The following MME variants were observed in gnomAD, a reference collection of about 807,000 sequenced individuals.
MME encodes membrane metalloendopeptidase.
In MME, 98 loss-of-function variants were observed where a neutral mutation model predicts 113.2. The observed-to-expected ratio is 0.87, with a 90% CI of 0.74 to 1.02. The LOEUF (loss-of-function observed/expected upper bound fraction) is 1.02, where lower values mean the gene tolerates loss of function less well. Among genes scored for constraint, MME ranks in the 50% least tolerant of loss-of-function variants. The pLI is 0.00. For synonymous variants in MME, 292 were observed against 300.6 expected, an observed-to-expected ratio of 0.97 and a Z score of 0.30; for missense variants, 836 against 896.0, an observed-to-expected ratio of 0.93 and a Z score of 0.86.
chr3:155,115,256 T>A, intron 4 of MME, 101 bp downstream of exon 4: 1 of 1,424,382 alleles, frequency 7.0e-7, no homozygotes, highest in Non-Finnish European at 9.7e-7. Flanking sequence ...CACAGAAGAT[T>A]AAAAAGTTAA....
chr3:155,027,080 T>G (rs755681873), intron 1 of MME, among the ~76,000 whole-genome samples: 3 of 152,224 alleles, frequency 2.0e-5, no homozygotes, highest in Non-Finnish European at 2.9e-5. Context: ...AGCTTCTCTT[T>G]GCATTTCTAA....
chr3:155,101,294 C>T (rs1717194756), intron 3 of MME, among the ~76,000 whole-genome samples: 1 of 152,166 alleles, frequency 6.6e-6, no homozygotes, highest in Non-Finnish European at 1.5e-5. Flanking sequence ...CAAGAACAGC[C>T]TAATACATTT....
At chr3:155,101,976 T>C (rs1327132888) in intron 3 of MME, among the ~76,000 whole-genome samples, 2 of 152,184 alleles carry the variant, frequency 1.3e-5, no homozygotes, top group Non-Finnish European at 2.9e-5. Flanking sequence ...GGATCCTGCT[T>C]GTCCTTCACC....
intron 3 of MME, among the ~76,000 whole-genome samples, chr3:155,104,966 T>C (rs980973752): frequency 1.3e-5 from 2 of 152,216 alleles, no homozygotes; most frequent in Non-Finnish European, 2.9e-5. Flanking sequence ...TTTAGACTTA[T>C]GGCACTTTAA....
intron 3 of MME, among the ~76,000 whole-genome samples, chr3:155,091,690 TATG>T (rs746284654): frequency 1.3e-5 from 2 of 152,184 alleles, no homozygotes; most frequent in Admixed American, 6.5e-5. Flanking sequence ...AAGCCTTTGA[TATG>T]ATATGAAGCT....
Position 155,115,021 on chromosome 3 carries a change from C to T in MME, c.224C>T (p.Ala75Val). The T allele has an allele frequency of 1.2e-6, 2 of 1,614,058 alleles. No homozygotes were observed. Reference sequence around the variant, plus strand: ...GCTCGACTGATCCAAAACATGGATGCCACCACTGAGCCTTGTACAGACTTT... The same window carrying T: ...GCTCGACTGATCCAAAACATGGATGTCACCACTGAGCCTTGTACAGACTTT... ...SAARLIQNMD[A>V]TTEPCTDFFK... The change falls in exon 4 of 23, where the codon GCC (alanine) becomes GTC (valine). Residue 75 changes from alanine to valine, a missense_variant. Ala to Val is a moderately conservative substitution (Grantham distance 64). Transcript: ENST00000360490.
intron 2 of MME, 62 bp from the exon 3 acceptor site, chr3:155,084,992 CAAAAG>C: frequency 8.7e-7 from 1 of 1,155,104 alleles, no homozygotes; most frequent in Non-Finnish European, 1.2e-6. Context: ...TTTAAAAGAA[CAAAAG>C]AAAAATAGAA....
chr3:155,115,022 C>T lies in MME; in HGVS notation c.225C>T (p.Ala75=), dbSNP rs558690161. Residue 75 remains alanine (A), a synonymous_variant, in exon 4 of 23, where the codon GCC becomes GCT. Transcript: ENST00000360490. The part of the protein sequence containing the change: ...SAARLIQNMD[A]TTEPCTDFFK... ...CTCGACTGATCCAAAACATGGATGCCACCACTGAGCCTTGTACAGACTTTT... is the reference window on the plus strand; with the variant it reads ...CTCGACTGATCCAAAACATGGATGCTACCACTGAGCCTTGTACAGACTTTT... 1 of 1,614,016 alleles carries T rather than the reference C, an allele frequency of 6.2e-7. No individual in the cohort carries two copies. The highest frequency in any genetic ancestry group is 1.3e-5 in the African/African-American group (1 of 74,994).
intron 7 of MME, among the ~76,000 whole-genome samples, 185 bp from the exon 8 acceptor site, chr3:155,118,561 T>C (rs1213547222): frequency 6.6e-6 from 1 of 152,224 alleles, no homozygotes; most frequent in Non-Finnish European, 1.5e-5. Flanking sequence ...TAACTGCCCG[T>C]TAGTATAACA....
At chr3:155,162,755 G>A (rs1722807955) in intron 17 of MME, among the ~76,000 whole-genome samples, 1 of 151,926 alleles carries the variant, frequency 6.6e-6, no homozygotes, top group Admixed American at 6.6e-5. Flanking sequence ...GCTCATGTCT[G>A]TAATCTCAGC....
At chr3:155,154,425 G>A (rs1206210471) in intron 16 of MME, among the ~76,000 whole-genome samples, 1 of 152,118 alleles carries the variant, frequency 6.6e-6, no homozygotes, top group African/African-American at 2.4e-5. Context: ...CACAACCTGT[G>A]GCCTTTTAAA....
upstream of MME, among the ~76,000 whole-genome samples, chr3:155,079,057 G>C (rs911440996): frequency 1.1e-4 from 16 of 152,098 alleles, no homozygotes; most frequent in Admixed American, 9.8e-4. Flanking sequence ...ATTCCCTGAA[G>C]TCAGGAGGTG....
chr3:155,119,637 A>G (rs1718944741), intron 8 of MME, among the ~76,000 whole-genome samples: 1 of 146,552 alleles, frequency 6.8e-6, no homozygotes, highest in African/African-American at 2.5e-5. Flanking sequence ...CTCATTGTTC[A>G]ATTCCCACCT....
Position 155,115,091 on chromosome 3 carries a change from C to A in MME, c.294C>A (p.Pro98=). 6.2e-7 allele frequency: 1 copy of A among 1,614,032 alleles called. No individual in the cohort carries two copies. Among genetic ancestry groups the A allele is most frequent in the South Asian group, 1.1e-5 (1 of 91,074 alleles). The part of the protein sequence containing the change: ...CGGWLKRNVI[P]ETSSRYGNFD... ...GCTGGTTGAAACGTAATGTCATTCC[C>A]GAGACCAGCTCCCGTTACGGCAACT... Residue 98 remains proline (P), a synonymous_variant, in exon 4 of 23, where the codon CCC becomes CCA. Coordinates refer to ENST00000360490, the MANE Select transcript of MME (RefSeq NM_007289.4).
rs79372914 is a variant in MME at position 155,113,628 on chromosome 3, C to T, written c.197-1366C>T. ...TTGTGGCCAGTGTCAAAGAGTCTTT[C>T]GGGAAGTTTGGTTTGTGGAAGATGT... On this transcript the variant is annotated intron_variant, in intron 3 of 22. Transcript: ENST00000360490. Among the ~76,000 whole-genome samples, 348 of 152,098 alleles carry T rather than the reference C, an allele frequency of 2.3e-3. 2 individuals carry two copies. The highest frequency in any genetic ancestry group is 7.9e-3 in the African/African-American group (327 of 41,480).
At chr3:155,163,541 A>G (rs903326726) in intron 17 of MME, among the ~76,000 whole-genome samples, 3 of 152,218 alleles carry the variant, frequency 2.0e-5, no homozygotes, top group African/African-American at 4.8e-5. Context: ...CTGCGCTTCA[A>G]TGTTTTGTCA....
At chr3:155,130,084 A>C (rs954632763) in intron 8 of MME, among the ~76,000 whole-genome samples, 1 of 152,194 alleles carries the variant, frequency 6.6e-6, no homozygotes, top group Non-Finnish European at 1.5e-5. Flanking sequence ...GTTGTCCTTC[A>C]TAAGGAAATC....
intron 1 of MME, among the ~76,000 whole-genome samples, chr3:155,058,980 TG>T (rs1362755990): frequency 6.6e-6 from 1 of 152,102 alleles, no homozygotes; most frequent in Non-Finnish European, 1.5e-5. Context: ...AAAGAAGGAT[TG>T]GCCAGGTGTG....
Position 155,064,942 on chromosome 3 carries a change from C to A in MME, c.-10-19216C>A, listed in dbSNP as rs572902033. 2.6e-4 allele frequency among the ~76,000 whole-genome samples: 39 copies of A among 152,240 alleles called. No individual in the cohort carries two copies. The South Asian group carries it at 7.7e-3, about 30-fold the overall frequency. ...AATCTTTGCTTCTGTTATCACATGG[C>A]CATATTATCCCCGACTAAATTAGTG... On this transcript the variant is annotated intron_variant, in intron 1 of 22. Coordinates refer to the MME transcript ENST00000492661.
Sources: gnomAD v4.1 joint callset for allele counts (sites outside exome capture counted in the v4.1 genomes callset) on GRCh38, gnomAD v4.1.1 for gene constraint, MANE v1.5 for transcripts, NCBI Gene and HGNC (gene_info 2026-07-23, HGNC 2026-07-21) for gene names.